CNTN5: variants seen among roughly 807,000 people sequenced by gnomAD.
CNTN5 encodes contactin 5, also known as contactin-5.
CNTN5 carries 77 observed loss-of-function variants against 129.1 expected under a neutral mutation model. That is an observed-to-expected ratio of 0.60 (90% CI 0.50 to 0.72). The LOEUF is 0.72. Among genes scored for constraint, CNTN5 ranks in the 30% least tolerant of loss-of-function variants. The pLI, the probability that CNTN5 is intolerant of heterozygous loss-of-function variation, is 0.00. For synonymous variants in CNTN5, 509 were observed against 465.6 expected, an observed-to-expected ratio of 1.09 and a Z score of -1.20; for missense variants, 1,478 against 1,328.8, an observed-to-expected ratio of 1.11 and a Z score of -1.75.
At chr11:99,485,159 C>A (rs1010593457) in intron 2 of CNTN5, among the ~76,000 whole-genome samples, 3 of 151,852 alleles carry the variant, frequency 2.0e-5, no homozygotes, top group East Asian at 3.9e-4. Flanking sequence ...ATTTCAACAT[C>A]GCCATTGACC....
intron 20 of CNTN5, among the ~76,000 whole-genome samples, chr11:100,306,966 C>T (rs141081555): frequency 6.6e-6 from 1 of 151,722 alleles, no homozygotes; most frequent in East Asian, 1.9e-4. Context: ...ACAATTATAG[C>T]AAGTGTTTTT....
chr11:100,144,690 G>A (rs1045360963), intron 13 of CNTN5, among the ~76,000 whole-genome samples: 2 of 151,710 alleles, frequency 1.3e-5, no homozygotes, highest in Admixed American at 1.3e-4. Flanking sequence ...TCTAATCTAG[G>A]TGATTAAATT....
chr11:99,433,168 C>G (rs1371964102), intron 2 of CNTN5, among the ~76,000 whole-genome samples: 2 of 152,014 alleles, frequency 1.3e-5, no homozygotes, highest in African/African-American at 2.4e-5. Context: ...CTGAATTGTG[C>G]TGTAGAGAAA....
chr11:99,333,896 T>TA (rs1158465045), intron 2 of CNTN5, among the ~76,000 whole-genome samples: 1 of 151,766 alleles, frequency 6.6e-6, no homozygotes, highest in Non-Finnish European at 1.5e-5. Context: ...GGGTAGAAGA[T>TA]AAAAAATGCT....
At chr11:99,320,997 C>T (rs1025399019) in intron 1 of CNTN5, among the ~76,000 whole-genome samples, 1 of 152,154 alleles carries the variant, frequency 6.6e-6, no homozygotes, top group African/African-American at 2.4e-5. Flanking sequence ...TGTCTTCTGC[C>T]TGCCAGCTTT....
At chr11:99,954,066 G>T (rs145555592) in intron 7 of CNTN5, among the ~76,000 whole-genome samples, 1 of 151,900 alleles carries the variant, frequency 6.6e-6, no homozygotes, top group African/African-American at 2.4e-5. Context: ...TTGGCTAGCC[G>T]GTTTTCCCAA....
intron 1 of CNTN5, among the ~76,000 whole-genome samples, chr11:99,125,903 T>C (rs922659013): frequency 6.6e-6 from 1 of 152,154 alleles, no homozygotes; most frequent in Admixed American, 6.5e-5. Flanking sequence ...TTAAGTAATC[T>C]ACAAAATGAG....
At chr11:99,450,257 AAT>A (rs56270711) in intron 2 of CNTN5, among the ~76,000 whole-genome samples, 33,727 of 145,536 alleles carry the variant, frequency 0.23, 4,129 homozygotes, top group African/African-American at 0.31. Flanking sequence ...TGCTGGTAGA[AAT>A]ATATATATAT....
chr11:100,135,564 C>T (rs1056095185), intron 13 of CNTN5, among the ~76,000 whole-genome samples: 2 of 152,064 alleles, frequency 1.3e-5, no homozygotes, highest in Non-Finnish European at 2.9e-5. Flanking sequence ...TAGGTTAGAT[C>T]ACTTTCCTAA....
At position 100,054,843 on chromosome 11, in the gene CNTN5, G is replaced by A. The variant is rs114146911; in HGVS notation, c.981-6369G>A. On this transcript the variant is annotated intron_variant, in intron 9 of 24. Coordinates refer to ENST00000524871, the MANE Select transcript of CNTN5 (RefSeq NM_014361.4). ...GAATGTTATTAGTTAGCATTGGTGA[G>A]GTAACAATTTTGTACTTTTCTCTAC... is the stretch of plus-strand genomic sequence containing the variant. Among the ~76,000 whole-genome samples, 1,181 of 151,604 alleles carry A rather than the reference G, an allele frequency of 7.8e-3. 16 individuals carry two copies. The highest frequency in any genetic ancestry group is 0.027 in the African/African-American group (1,120 of 41,458).
intron 13 of CNTN5, among the ~76,000 whole-genome samples, chr11:100,128,883 A>T (rs923592412): frequency 6.6e-6 from 1 of 151,990 alleles, no homozygotes; most frequent in Non-Finnish European, 1.5e-5. Flanking sequence ...GAGAAAAACT[A>T]TCTGAATTTG....
intron 3 of CNTN5, among the ~76,000 whole-genome samples, chr11:99,747,460 CT>C (rs55790126): frequency 0.25 from 21,445 of 84,746 alleles, 681 homozygotes; most frequent in Middle Eastern, 0.33. Flanking sequence ...AGTCAGCATC[CT>C]TTTTTTTTTT....
intron 3 of CNTN5, among the ~76,000 whole-genome samples, chr11:99,673,780 C>G (rs1156736284): frequency 6.6e-6 from 1 of 151,348 alleles, no homozygotes; most frequent in Non-Finnish European, 1.5e-5. Flanking sequence ...AAAAAAAGAT[C>G]TCATCCTTTT....
intron 2 of CNTN5, among the ~76,000 whole-genome samples, chr11:99,537,129 C>CT (rs1466507921): frequency 7.9e-5 from 12 of 152,042 alleles, no homozygotes; most frequent in Non-Finnish European, 1.5e-4. Flanking sequence ...GTTTTAGCTA[C>CT]TGGAAAAAGG....
chr11:99,541,348 A>G (rs1425295750), intron 2 of CNTN5, among the ~76,000 whole-genome samples: 1 of 152,118 alleles, frequency 6.6e-6, no homozygotes, highest in Non-Finnish European at 1.5e-5. Flanking sequence ...TCTTGTTTAT[A>G]CTTTTCTCTT....
chr11:99,620,718 C>G (rs149225035), intron 3 of CNTN5, among the ~76,000 whole-genome samples: 1 of 151,946 alleles, frequency 6.6e-6, no homozygotes, highest in South Asian at 2.1e-4. Context: ...CCGCTCCCCC[C>G]CGGCCATCAG....
intron 2 of CNTN5, among the ~76,000 whole-genome samples, chr11:99,533,924 T>G (rs1947806966): frequency 6.6e-6 from 1 of 152,080 alleles, no homozygotes. Context: ...GTGGGTTTGG[T>G]TTAGAGGAGA....
chr11:99,536,256 GA>G (rs1428172176), intron 2 of CNTN5, among the ~76,000 whole-genome samples: 18 of 133,756 alleles, frequency 1.3e-4, no homozygotes, highest in Admixed American at 1.3e-3. Context: ...CAAATAATAA[GA>G]AAATCTTTTT....
chr11:99,062,818 T>C (rs1253622150), intron 1 of CNTN5, among the ~76,000 whole-genome samples: 1 of 152,120 alleles, frequency 6.6e-6, no homozygotes, highest in Non-Finnish European at 1.5e-5. Flanking sequence ...CTCCTCCCAC[T>C]CTTGATACAT....
Sources: allele counts gnomAD v4.1 joint callset (sites outside exome capture counted in the v4.1 genomes callset), GRCh38; gene constraint gnomAD v4.1.1; transcripts MANE v1.5; gene names NCBI Gene and HGNC (gene_info 2026-07-23, HGNC 2026-07-21).